The following CABIN1 variants were observed in gnomAD, a reference collection of about 807,000 sequenced individuals.
CABIN1 encodes calcineurin-binding protein cabin-1.
In CABIN1, 133 loss-of-function variants were observed where a neutral mutation model predicts 227.7. The observed-to-expected ratio is 0.58, with a 90% CI of 0.51 to 0.67. The LOEUF is 0.67. Ranked by LOEUF, CABIN1 falls within the 30% of genes least tolerant of loss-of-function variation. The pLI is 0.00. For synonymous variants in CABIN1, 1,086 were observed against 1,155.1 expected (o/e 0.94, Z 1.21); for missense variants, 2,408 against 2,852.5 (o/e 0.84, Z 3.55).
intron 28 of CABIN1, among the ~76,000 whole-genome samples, chr22:24,121,122 G>A (rs916758454): frequency 1.3e-5 from 2 of 152,244 alleles, no homozygotes; most frequent in South Asian, 4.1e-4. Context: ...CTAGCTGTGA[G>A]GACTCAGTCA....
chr22:24,061,911 G>A (rs372824676), intron 12 of CABIN1, 36 bp from the exon 13 acceptor site: 1 of 1,517,542 alleles, frequency 6.6e-7, no homozygotes, highest in Non-Finnish European at 9.2e-7. Flanking sequence ...GAGGCTTTGT[G>A]ATACTGTTCT....
At position 24,177,925 on chromosome 22, in the gene CABIN1, G is replaced by A. The variant is rs1012611523; in HGVS notation, c.6519+108G>A. 8.1e-6 allele frequency: 10 copies of A among 1,235,840 alleles called. No homozygotes were observed. The African/African-American group carries it at 1.2e-4, about 15-fold the overall frequency. The allele number at this position is 1,235,840 out of a possible 1,614,324, so 76.6% of individuals were successfully genotyped here. A position where few individuals can be genotyped will look rare whatever the true frequency, so the allele number is the denominator to read the frequency against. On this transcript the variant is annotated intron_variant, in intron 36 of 36. Transcript: ENST00000263119. The surrounding 1 kb of genome is among the most constrained non-coding windows in gnomAD (Gnocchi z 4.4). ...CAGGAGGGCCTGGGGTGTGGGTGAG[G>A]ATGGCATAGGGGCCTGGGGCAGGGG...
chr22:24,161,515 C>T (rs1407497833), intron 29 of CABIN1, among the ~76,000 whole-genome samples: 3 of 152,144 alleles, frequency 2.0e-5, no homozygotes, highest in African/African-American at 4.8e-5. Flanking sequence ...AGACCCTCCT[C>T]GCGGCGACCC....
At position 24,060,104 on chromosome 22, in the gene CABIN1, A is replaced by T. The variant is rs1398944454; in HGVS notation, c.1580A>T (p.Asn527Ile). Residue 527 changes from asparagine to isoleucine, a missense_variant, in exon 12 of 37, where the codon AAC becomes ATC. By Grantham distance (149) the Asn-to-Ile change is moderately radical. Coordinates refer to ENST00000263119, the MANE Select transcript of CABIN1 (RefSeq NM_012295.4). Reference protein sequence around the residue: ...SWRRHSTSLPNPLLRDCSNKH... With the variant: ...SWRRHSTSLPIPLLRDCSNKH... Reference sequence around the variant, plus strand: ...AGGAGGCACAGCACCAGCCTGCCCAACCCGCTGCTGAGGGACTGCAGCAAC... The same window carrying T: ...AGGAGGCACAGCACCAGCCTGCCCATCCCGCTGCTGAGGGACTGCAGCAAC... The T allele has an allele frequency of 6.2e-7, 1 of 1,613,912 alleles. No homozygotes were observed. Among genetic ancestry groups the T allele is most frequent in the Non-Finnish European group, 8.5e-7 (1 of 1,180,012 alleles).
intron 28 of CABIN1, among the ~76,000 whole-genome samples, chr22:24,123,660 GCA>G (rs2043548771): frequency 6.6e-6 from 1 of 152,224 alleles, no homozygotes; most frequent in South Asian, 2.1e-4. Flanking sequence ...AGCTCTGCTG[GCA>G]GCAGCTTGTT....
intron 1 of CABIN1, among the ~76,000 whole-genome samples, chr22:24,027,917 T>G (rs1457630257): frequency 1.3e-5 from 2 of 151,958 alleles, no homozygotes; most frequent in Non-Finnish European, 1.5e-5. Context: ...AGGAGGTCTC[T>G]TCCACTTTGG....
Position 24,094,749 on chromosome 22 carries a change from G to A in CABIN1, c.3787-1182G>A, listed in dbSNP as rs61285607. ...GGAGAATGGCGTGAACCCGGGAAGC[G>A]GAGCTTGCAGTGAGCCGAGATTGCG... On this transcript the variant is annotated intron_variant, in intron 24 of 36. Coordinates refer to ENST00000263119, the MANE Select transcript of CABIN1 (RefSeq NM_012295.4). 3.1e-3 allele frequency among the ~76,000 whole-genome samples: 469 copies of A among 149,992 alleles called. 3 individuals carry two copies. The highest frequency in any genetic ancestry group is 0.011 in the African/African-American group (451 of 40,826).
intron 24 of CABIN1, among the ~76,000 whole-genome samples, chr22:24,094,555 C>T (rs374653671): frequency 1.4e-4 from 22 of 152,220 alleles, no homozygotes; most frequent in East Asian, 7.7e-4. Flanking sequence ...CGGTGGCTCA[C>T]GCCTGTAATT....
At chr22:24,050,454 C>T (rs1374537104) in intron 7 of CABIN1, among the ~76,000 whole-genome samples, 1 of 152,170 alleles carries the variant, frequency 6.6e-6, no homozygotes, top group African/African-American at 2.4e-5. Context: ...TTTCCGATGA[C>T]TTTTTGTTGG....
intron 29 of CABIN1, among the ~76,000 whole-genome samples, chr22:24,141,889 C>G (rs1014535116): frequency 1.3e-5 from 2 of 152,168 alleles, no homozygotes; most frequent in African/African-American, 2.4e-5. Context: ...CCTGTGCTGT[C>G]CCAGCCCTGG....
chr22:24,147,341 CTCCCTGCCTCCCTCCCTCCCTGCT>C (rs1448005759), intron 29 of CABIN1, among the ~76,000 whole-genome samples: 1 of 131,902 alleles, frequency 7.6e-6, no homozygotes. Flanking sequence ...TCCTCCCTCC[CTCCCTGCCTCCCTCCCTCCCTGCT>C]TCCCTGCCTC....
At chr22:24,129,646 C>T (rs1238828191) in intron 28 of CABIN1, among the ~76,000 whole-genome samples, 2 of 152,242 alleles carry the variant, frequency 1.3e-5, no homozygotes, top group East Asian at 1.9e-4. Context: ...AGACTGTGTC[C>T]CTGCCCTTAT....
At chr22:24,096,659 GC>G (rs2041912106) in intron 25 of CABIN1, among the ~76,000 whole-genome samples, 1 of 152,156 alleles carries the variant, frequency 6.6e-6, no homozygotes, top group Non-Finnish European at 1.5e-5. Flanking sequence ...TCCTGGTGCC[GC>G]CCCATCCTCA....
intron 12 of CABIN1, among the ~76,000 whole-genome samples, chr22:24,060,914 T>C (rs117447789): frequency 0.029 from 4,441 of 151,982 alleles, 121 homozygotes; most frequent in Non-Finnish European, 0.042. Context: ...AAAAAAAAAT[T>C]TGTTTTGTTT....
intron 4 of CABIN1, among the ~76,000 whole-genome samples, chr22:24,040,910 C>T (rs751851020): frequency 1.5e-4 from 23 of 152,236 alleles, no homozygotes; most frequent in Non-Finnish European, 2.6e-4. Flanking sequence ...GATGCCCAGA[C>T]TCTCTGCAAA....
chr22:24,141,203 T>C (rs898724874), intron 29 of CABIN1, among the ~76,000 whole-genome samples: 1 of 152,204 alleles, frequency 6.6e-6, no homozygotes, highest in Non-Finnish European at 1.5e-5. Flanking sequence ...GGCCCTGCCC[T>C]GGCTTGAATG....
intron 28 of CABIN1, among the ~76,000 whole-genome samples, chr22:24,131,827 A>G (rs1003048700): frequency 7.2e-5 from 11 of 152,176 alleles, no homozygotes; most frequent in Admixed American, 2.0e-4. Flanking sequence ...ACACTTTGGG[A>G]GGCCAAGGCG....
intron 33 of CABIN1, 53 bp from the exon 34 acceptor site, chr22:24,171,660 G>A (rs1213225692): frequency 2.2e-5 from 35 of 1,608,048 alleles, no homozygotes; most frequent in Non-Finnish European, 2.8e-5. Context: ...GCAGAGCAGC[G>A]TGGGCTCAGG....
At chr22:24,102,020 C>T (rs1370538901) in intron 26 of CABIN1, among the ~76,000 whole-genome samples, 2 of 152,160 alleles carry the variant, frequency 1.3e-5, no homozygotes, top group African/African-American at 4.8e-5. Flanking sequence ...CCTTGTTTCC[C>T]CAAGAGGAAC....
Sources: allele counts gnomAD v4.1 joint callset (sites outside exome capture counted in the v4.1 genomes callset), GRCh38; gene constraint gnomAD v4.1.1; non-coding constraint Gnocchi (gnomAD v3.1); transcripts MANE v1.5; gene names NCBI Gene and HGNC (gene_info 2026-07-23, HGNC 2026-07-21).